The following ALDH1L1 variants were observed in gnomAD, a reference collection of about 807,000 sequenced individuals.
ALDH1L1 encodes the protein cytosolic 10-formyltetrahydrofolate dehydrogenase.
A neutral mutation model predicts 101.1 loss-of-function variants in ALDH1L1; 68 were observed. The observed-to-expected ratio is 0.67, with a 90% CI of 0.55 to 0.82. ALDH1L1 has a LOEUF of 0.82. ALDH1L1 is among the 40% of genes least tolerant of loss of function. The pLI is 0.00. For missense variants in ALDH1L1, 1,087 were observed against 1,172.7 expected, an observed-to-expected ratio of 0.93 and a Z score of 1.07; for synonymous variants, 486 against 470.8, an observed-to-expected ratio of 1.03 and a Z score of -0.42.
At chr3:126,132,047 G>A (rs906043752) in intron 12 of ALDH1L1, among the ~76,000 whole-genome samples, 4 of 152,250 alleles carry the variant, frequency 2.6e-5, no homozygotes, top group African/African-American at 9.6e-5. Flanking sequence ...GCTGACTAGG[G>A]AGCAACGTGG....
intron 16 of ALDH1L1, among the ~76,000 whole-genome samples, chr3:126,119,271 T>C (rs576768021): frequency 6.6e-6 from 1 of 152,330 alleles, no homozygotes; most frequent in Admixed American, 6.5e-5. Context: ...TCAGATCCAT[T>C]GGTCACTCCT....
At chr3:126,114,682 G>A in intron 17 of ALDH1L1, 26 bp from the exon 18 acceptor site, 1 of 1,549,186 alleles carries the variant, frequency 6.5e-7, no homozygotes, top group Non-Finnish European at 8.7e-7. Flanking sequence ...GGCTGGTGGG[G>A]CCGGTCCCTC....
At chr3:126,147,567 C>T (rs778827117) in intron 8 of ALDH1L1, among the ~76,000 whole-genome samples, 35 of 152,230 alleles carry the variant, frequency 2.3e-4, no homozygotes, top group Non-Finnish European at 4.3e-4. Context: ...TAAGGCTGTC[C>T]AGCAGTCAAG....
At chr3:126,180,723 G>T (rs1484741590), upstream of ALDH1L1, 2 of 1,403,702 alleles carry the variant, frequency 1.4e-6, no homozygotes, top group Non-Finnish European at 1.9e-6. Flanking sequence ...CCCTCTCCGG[G>T]CGGGTCTATA....
At chr3:126,167,167 C>T (rs1490912114) in intron 1 of ALDH1L1, among the ~76,000 whole-genome samples, 1 of 151,998 alleles carries the variant, frequency 6.6e-6, no homozygotes, top group Non-Finnish European at 1.5e-5. Context: ...TAACAAAACC[C>T]AAGAGTCTGT....
chr3:126,137,747 T>G (rs1208448972), intron 10 of ALDH1L1, 66 bp downstream of exon 10: 2 of 1,564,442 alleles, frequency 1.3e-6, no homozygotes, highest in African/African-American at 2.7e-5. Flanking sequence ...TCTTGTCTTA[T>G]GTAGTCATAG....
In ALDH1L1 at chr3:126,135,755, G is replaced by T. The variant is rs564907169; in HGVS notation, c.1345-93C>A. On this transcript the variant is annotated intron_variant, in intron 11 of 22. Transcript: ENST00000393434. ...TCCCTGGCCTCCTCCTGGGGCCCCA[G>T]TGAGGCGGCCCCTGTCCACATGAGC... 2.2e-5 allele frequency: 31 copies of T among 1,408,036 alleles called. No homozygotes were observed. In the African/African-American group the frequency reaches 4.2e-4, roughly 19 times the overall value. 87.2% of individuals were successfully genotyped at this position (1,408,036 alleles called of 1,614,324 possible).
intron 20 of ALDH1L1, among the ~76,000 whole-genome samples, chr3:126,109,171 G>A (rs1945990137): frequency 6.6e-6 from 1 of 152,152 alleles, no homozygotes; most frequent in African/African-American, 2.4e-5. Flanking sequence ...CAAATTAACT[G>A]AGCACCAACT....
At chr3:126,145,266 T>C (rs1439333555) in intron 9 of ALDH1L1, among the ~76,000 whole-genome samples, 1 of 152,178 alleles carries the variant, frequency 6.6e-6, no homozygotes, top group East Asian at 1.9e-4. Flanking sequence ...GGTGGGAATG[T>C]AAAATGGTGC....
chr3:126,159,498 G>T (rs547146184), intron 2 of ALDH1L1: 1 of 456,736 alleles, frequency 2.2e-6, no homozygotes, highest in South Asian at 1.5e-5. Flanking sequence ...AGCCTCTGGT[G>T]TGATGTTTGG....
intron 20 of ALDH1L1, among the ~76,000 whole-genome samples, chr3:126,109,276 G>A (rs529341911): frequency 2.4e-4 from 36 of 152,334 alleles, no homozygotes; most frequent in African/African-American, 7.9e-4. Context: ...GTCCATCCCC[G>A]TGGCTGCTGC....
chr3:126,135,973 G>C (rs2080433117), intron 11 of ALDH1L1, among the ~76,000 whole-genome samples: 1 of 152,238 alleles, frequency 6.6e-6, no homozygotes, highest in East Asian at 1.9e-4. Flanking sequence ...GAGCCGGTGG[G>C]GTGTGGTGAG....
At position 126,150,521 on chromosome 3, in the gene ALDH1L1, T is replaced by C. The variant is rs1327622336; in HGVS notation, c.869A>G (p.Lys290Arg). Reference sequence around the variant, plus strand: ...TTTGCCATCCTCCAGCTGAATATTCTTCACCAGCAGCTGCAAAAGGAAGGA... The same window carrying C: ...TTTGCCATCCTCCAGCTGAATATTCCTCACCAGCAGCTGCAAAAGGAAGGA... ...FGNDDKMLLV[K>R]NIQLEDGKMI... The change falls in exon 8 of 23, where the codon AAG (lysine) becomes AGG (arginine). Residue 290 changes from lysine to arginine, a missense_variant. Physicochemically the swap from Lys to Arg is conservative, Grantham distance 26. Transcript: ENST00000393434. 1 of 1,550,476 alleles carries C rather than the reference T, an allele frequency of 6.4e-7. No individual in the cohort carries two copies. Among genetic ancestry groups the C allele is most frequent in the Admixed American group, 2.0e-5 (1 of 50,978 alleles).
chr3:126,123,257 CT>C (rs138624090), intron 16 of ALDH1L1, among the ~76,000 whole-genome samples: 8,056 of 138,388 alleles, frequency 0.058, 525 homozygotes, highest in African/African-American at 0.19. Context: ...CACCAAAACT[CT>C]TTTTTTTTTT....
chr3:126,153,430 A>T lies in ALDH1L1; in HGVS notation c.858+14T>A, dbSNP rs1357488053. The T allele has an allele frequency of 3.7e-6, 6 of 1,612,820 alleles. No individual in the cohort carries two copies. The Admixed American group carries it at 1.0e-4, about 27-fold the overall frequency. On this transcript the variant is annotated intron_variant, in intron 7 of 22. Coordinates refer to ENST00000393434, the MANE Select transcript of ALDH1L1 (RefSeq NM_012190.4). ...GGCTTTGAGCAGGCAAGTGACCCACAGCCGTGCCCTTACCATTTTGTCATC... is the reference window on the plus strand; with the variant it reads ...GGCTTTGAGCAGGCAAGTGACCCACTGCCGTGCCCTTACCATTTTGTCATC...
chr3:126,153,587 A>T lies in ALDH1L1; in HGVS notation c.721-6T>A, dbSNP rs761890475. Reference sequence around the variant, plus strand: ...GAGTTGAAAAATGTCAGTTTCTGTCAAGGGGAGAAATATCAGAAGATGGTG... The same window carrying T: ...GAGTTGAAAAATGTCAGTTTCTGTCTAGGGGAGAAATATCAGAAGATGGTG... On this transcript the variant is annotated splice_region_variant and splice_polypyrimidine_tract_variant and intron_variant, in intron 6 of 22. Transcript: ENST00000393434. 1 of 1,610,122 alleles carries T rather than the reference A, an allele frequency of 6.2e-7. No individual in the cohort carries two copies. The highest frequency in any genetic ancestry group is 2.2e-5 in the East Asian group (1 of 44,814).
chr3:126,132,518 C>T (rs566883361), intron 12 of ALDH1L1, among the ~76,000 whole-genome samples: 21 of 152,336 alleles, frequency 1.4e-4, no homozygotes, highest in African/African-American at 4.8e-4. Context: ...CTCCTCCTCA[C>T]ATCGGCCTCT....
At position 126,125,579 on chromosome 3, in the gene ALDH1L1, G is replaced by T. The variant is rs762807790; in HGVS notation, c.1800+37C>A. 7 of 1,425,812 alleles carry T rather than the reference G, an allele frequency of 4.9e-6. No individual in the cohort carries two copies. In the African/African-American group the frequency reaches 1.0e-4, roughly 21 times the overall value. 88.3% of individuals were successfully genotyped at this position (1,425,812 alleles called of 1,614,324 possible). A position where few individuals can be genotyped will look rare whatever the true frequency, so the allele number is the denominator to read the frequency against. On this transcript the variant is annotated intron_variant, in intron 15 of 22. Coordinates refer to ENST00000393434, the MANE Select transcript of ALDH1L1 (RefSeq NM_012190.4). ...AGAGTGAGTTCCTGATCCTCTCTGT[G>T]GCCTGCAGGCCCTGTCCAGAGTGAA...
At chr3:126,178,079 C>T (rs2081396522) in intron 1 of ALDH1L1, among the ~76,000 whole-genome samples, 1 of 150,734 alleles carries the variant, frequency 6.6e-6, no homozygotes, top group Non-Finnish European at 1.5e-5. Context: ...CCTATCAATG[C>T]ATGATGTTAA....
Sources: allele counts gnomAD v4.1 joint callset (sites outside exome capture counted in the v4.1 genomes callset), GRCh38; gene constraint gnomAD v4.1.1; transcripts MANE v1.5; gene names NCBI Gene and HGNC (gene_info 2026-07-23, HGNC 2026-07-21).